BRD8: variants seen among roughly 807,000 people sequenced by gnomAD.
BRD8 encodes bromodomain-containing protein 8.
A neutral mutation model predicts 143.1 loss-of-function variants in BRD8; 67 were observed. The ratio of observed to expected loss-of-function variants is 0.47; its 90% CI spans 0.38 to 0.57. The LOEUF (loss-of-function observed/expected upper bound fraction) is 0.57, where lower values mean the gene tolerates loss of function less well. Among genes scored for constraint, BRD8 ranks in the 20% least tolerant of loss-of-function variants. BRD8 has a pLI of 0.00. For missense variants in BRD8, 1,103 were observed against 1,503.0 expected (o/e 0.73, Z 4.40); for synonymous variants, 505 against 517.1 (o/e 0.98, Z 0.32).
intron 11 of BRD8, 100 bp downstream of exon 11, chr5:138,165,728 A>G (rs1230412880): frequency 1.7e-5 from 6 of 347,516 alleles, no homozygotes; most frequent in Non-Finnish European, 2.5e-5. Flanking sequence ...TCTGTCTCCA[A>G]AAAAAAAAAA....
intron 14 of BRD8, 59 bp downstream of exon 14, chr5:138,164,028 G>A (rs1458329559): frequency 2.6e-6 from 4 of 1,541,166 alleles, no homozygotes; most frequent in Non-Finnish European, 3.6e-6. Context: ...TCATTAAAAA[G>A]TAGTGCTATA....
intron 26 of BRD8, 79 bp downstream of exon 26, chr5:138,140,626 G>T (rs1414732090): frequency 2.1e-6 from 3 of 1,458,482 alleles, no homozygotes; most frequent in Non-Finnish European, 2.9e-6. Context: ...TGAGAACACA[G>T]TCACCTCGAA....
At position 138,152,501 on chromosome 5, in the gene BRD8, A is replaced by G; in HGVS notation, c.2837T>C (p.Leu946Pro). The G allele has an allele frequency of 6.2e-7, 1 of 1,614,130 alleles. No individual in the cohort carries two copies. The highest frequency in any genetic ancestry group is 8.5e-7 in the Non-Finnish European group (1 of 1,180,014). The change falls in exon 21 of 27, where the codon CTC becomes CCC. Residue 946 changes from leucine (L) to proline (P), a missense_variant. Leu to Pro is a moderately conservative substitution (Grantham distance 98). Coordinates refer to ENST00000254900, the MANE Select transcript of BRD8 (RefSeq NM_139199.2). ...TGTTACCTCAGAGAGAAAGTGGAGG[A>G]GGTTCTGGTGGCTGGCTTTCCTTGC... ...EAARKASHQN[L>P]LHFLSEVAYL...
chr5:138,173,394 T>C (rs917737829), intron 2 of BRD8, among the ~76,000 whole-genome samples: 3 of 73,016 alleles, frequency 4.1e-5, no homozygotes, highest in Non-Finnish European at 7.4e-5. Flanking sequence ...TGAGACTCCA[T>C]CTCAAAAAAA....
Position 138,168,002 on chromosome 5 carries a change from A to G in BRD8, c.719T>C (p.Leu240Pro). 6.2e-7 allele frequency: 1 copy of G among 1,613,312 alleles called. No homozygotes were observed. Among genetic ancestry groups the G allele is most frequent in the East Asian group, 2.2e-5 (1 of 44,880 alleles). The change falls in exon 9 of 27, where the codon CTT becomes CCT. Residue 240 changes from leucine to proline, a missense_variant. Around this residue, in one of 7 missense-constraint regions of BRD8, gnomAD observed 334 missense variants for 372.5 expected, o/e 0.90. Coordinates refer to ENST00000254900, the MANE Select transcript of BRD8 (RefSeq NM_139199.2). Reference protein sequence around the residue: ...TGVLLEVGGVLPMIHGGEIQQ... With the variant: ...TGVLLEVGGVPPMIHGGEIQQ... The stretch of plus-strand genomic sequence containing the variant: ...TATCTCCCCACCATGTATCATGGGA[A>G]GGACCCCGCCTACCTCCAGGAGGAC...
chr5:138,156,783 T>C (rs1238852053), intron 20 of BRD8: 1 of 941,522 alleles, frequency 1.1e-6, no homozygotes, highest in Non-Finnish European at 1.3e-6. Context: ...ACAATCTCAT[T>C]CCTACAAATG....
chr5:138,152,897 A>C, intron 20 of BRD8, 137 bp from the exon 21 acceptor site: 7 of 938,468 alleles, frequency 7.5e-6, no homozygotes, highest in Non-Finnish European at 1.1e-5. Context: ...AGGAAGAATT[A>C]AAATCTTGCT....
intron 8 of BRD8, chr5:138,168,823 T>G: frequency 3.2e-6 from 2 of 622,366 alleles, no homozygotes; most frequent in South Asian, 4.0e-5. Flanking sequence ...CTATCCCTCC[T>G]GCTCTTAGCC....
intron 6 of BRD8, 164 bp downstream of exon 6, chr5:138,170,668 G>T: frequency 1.3e-6 from 1 of 741,282 alleles, no homozygotes; most frequent in East Asian, 2.6e-5. Context: ...TACCTTCTAG[G>T]ACTCACTCCC....
At position 138,170,406 on chromosome 5, in the gene BRD8, T is replaced by C; in HGVS notation, c.444A>G (p.Lys148=). The C allele has an allele frequency of 6.2e-7, 1 of 1,614,084 alleles. No individual in the cohort carries two copies. Among genetic ancestry groups the C allele is most frequent in the Non-Finnish European group, 8.5e-7 (1 of 1,180,000 alleles). Residue 148 remains lysine, a synonymous_variant, in exon 7 of 27, where the codon AAA becomes AAG. Coordinates refer to ENST00000254900, the MANE Select transcript of BRD8 (RefSeq NM_139199.2). The stretch of plus-strand genomic sequence containing the variant: ...CAGCCTCCTCTTCTTCCAATTTCTT[T>C]TTCCTAAACAGGGAATTAAGGGTTA... ...LDELCNDIAT[K]KKLEEEEAEV...
Position 138,166,524 on chromosome 5 carries a change from C to T in BRD8, c.991G>A (p.Ala331Thr), listed in dbSNP as rs1753436695. ...APAVSTTESVAPVSQPDNCVP... is the reference protein window; with the variant it reads ...APAVSTTESVTPVSQPDNCVP... The stretch of plus-strand genomic sequence containing the variant: ...TGGCTGCTCAGGGACGCACCTGGAG[C>T]TACACTTTCAGTAGTGGAGACAGCC... The change falls in exon 10 of 27, where the codon GCT becomes ACT. Residue 331 changes from alanine to threonine, a missense_variant. Coordinates refer to ENST00000254900, the MANE Select transcript of BRD8 (RefSeq NM_139199.2). 1.2e-6 allele frequency: 2 copies of T among 1,606,362 alleles called. No homozygotes were observed. Among genetic ancestry groups the T allele is most frequent in the African/African-American group, 1.3e-5 (1 of 74,736 alleles).
chr5:138,149,569 C>A, intron 23 of BRD8, 71 bp downstream of exon 23: 1 of 1,316,410 alleles, frequency 7.6e-7, no homozygotes, highest in South Asian at 2.0e-5. Flanking sequence ...AAAAGTAATC[C>A]ATTTCATGAT....
chr5:138,164,469 A>G, intron 12 of BRD8, 56 bp from the exon 13 acceptor site: 1 of 1,515,324 alleles, frequency 6.6e-7, no homozygotes, highest in Admixed American at 1.7e-5. Flanking sequence ...TATAGCTCAC[A>G]CAACTTTATT....
In BRD8 at chr5:138,164,936, C is replaced by T. The variant is rs1753281263; in HGVS notation, c.1509G>A (p.Glu503=). The T allele has an allele frequency of 6.2e-7, 1 of 1,614,086 alleles. No homozygotes were observed. The highest frequency in any genetic ancestry group is 1.3e-5 in the African/African-American group (1 of 74,936). The part of the protein sequence containing the change: ...KGIHELVDIR[E]PSAEIKVEPA... ...GTTCCACCTTGATCTCTGCACTGGG[C>T]TCCCTGATGTCCACCAGTTCATGTA... Residue 503 remains glutamate (E), a synonymous_variant, in exon 12 of 27, where the codon GAG becomes GAA. Coordinates refer to ENST00000254900, the MANE Select transcript of BRD8 (RefSeq NM_139199.2).
At chr5:138,164,287 G>T in intron 13 of BRD8, 33 bp downstream of exon 13, 1 of 1,607,354 alleles carries the variant, frequency 6.2e-7, no homozygotes, top group Non-Finnish European at 8.5e-7. Context: ...CAAAGCAAAT[G>T]ATTTCAAGTC....
At chr5:138,145,061 G>T in intron 25 of BRD8, 116 bp downstream of exon 25, 3 of 1,050,212 alleles carry the variant, frequency 2.9e-6, no homozygotes, top group Non-Finnish European at 1.4e-6. Flanking sequence ...AACTTGTTTG[G>T]CTATGAAACA....
chr5:138,160,668 A>C (rs1436442025), intron 18 of BRD8, among the ~76,000 whole-genome samples: 1 of 152,234 alleles, frequency 6.6e-6, no homozygotes, highest in Non-Finnish European at 1.5e-5. Flanking sequence ...TAAAAACTTT[A>C]TGAAACTGCA....
At chr5:138,147,831 A>C (rs1039809415) in intron 23 of BRD8, among the ~76,000 whole-genome samples, 1 of 152,068 alleles carries the variant, frequency 6.6e-6, no homozygotes, top group African/African-American at 2.4e-5. Flanking sequence ...CCAGCTATTC[A>C]TGAGGCTGAG....
At position 138,148,661 on chromosome 5, in the gene BRD8, G is replaced by A. The variant is rs987459993; in HGVS notation, c.3278+979C>T. On this transcript the variant is annotated intron_variant, in intron 23 of 26. Coordinates refer to ENST00000254900, the MANE Select transcript of BRD8 (RefSeq NM_139199.2). Reference sequence around the variant, plus strand: ...TGAGATTACAGGTGTGAGCCACTGCGCCTGGCCTAATTTTTTCTTTAAAAA... The same window carrying A: ...TGAGATTACAGGTGTGAGCCACTGCACCTGGCCTAATTTTTTCTTTAAAAA... Among the ~76,000 whole-genome samples, 8 of 151,932 alleles carry A rather than the reference G, an allele frequency of 5.3e-5. No individual in the cohort carries two copies. The South Asian group carries it at 6.3e-4, about 12-fold the overall frequency.
Sources: gnomAD v4.1 joint callset for allele counts (sites outside exome capture counted in the v4.1 genomes callset) on GRCh38, gnomAD v4.1.1 for gene constraint, gnomAD v4.1.1 regional missense constraint, MANE v1.5 for transcripts, NCBI Gene and HGNC (gene_info 2026-07-23, HGNC 2026-07-21) for gene names.